CCDC3: variants seen among roughly 807,000 people sequenced by gnomAD.
The protein encoded by CCDC3 is coiled-coil domain-containing protein 3.
In CCDC3, 24 loss-of-function variants were observed where a neutral mutation model predicts 21.4. The ratio of observed to expected loss-of-function variants is 1.12; its 90% confidence interval spans 0.81 to 1.58. The LOEUF is 1.58. CCDC3 is among the 40% of genes most tolerant of loss of function. The pLI, the probability that CCDC3 is intolerant of heterozygous loss-of-function variation, is 0.00. For synonymous variants in CCDC3, 186 were observed against 166.0 expected, an observed-to-expected ratio of 1.12 and a Z score of -0.93; for missense variants, 425 against 360.9, an observed-to-expected ratio of 1.18 and a Z score of -1.44.
intron 5 of CCDC3, among the ~76,000 whole-genome samples, chr10:13,018,770 A>C (rs2131403657): frequency 6.6e-6 from 1 of 151,942 alleles, no homozygotes; most frequent in Middle Eastern, 3.4e-3. Flanking sequence ...GTCTCTACTA[A>C]AAATACAAAA....
chr10:12,974,821 G>C (rs557277139), intron 2 of CCDC3, among the ~76,000 whole-genome samples: 1 of 152,326 alleles, frequency 6.6e-6, no homozygotes, highest in Non-Finnish European at 1.5e-5. Context: ...ATCGCCTTTG[G>C]ATTTCATGGC....
At chr10:13,073,848 G>A (rs1836917202) in intron 4 of CCDC3, 1 of 151,916 alleles carries the variant, frequency 6.6e-6, no homozygotes, top group Non-Finnish European at 1.5e-5. Context: ...AAACCCAACA[G>A]GTCTACCATT....
At chr10:13,049,705 A>G (rs577987336) in exon 5 of CCDC3, 1 of 152,194 alleles carries the variant, frequency 6.6e-6, no homozygotes, top group South Asian at 2.1e-4. Flanking sequence ...CTGAAATGTG[A>G]TGGAAATAGA....
intron 2 of CCDC3, among the ~76,000 whole-genome samples, chr10:12,926,151 G>A (rs1834533521): frequency 6.6e-6 from 1 of 152,246 alleles, no homozygotes; most frequent in Non-Finnish European, 1.5e-5. Context: ...GTCAGGAGCA[G>A]AAACCAAAGG....
At chr10:12,999,099 G>A (rs963265552) in intron 1 of CCDC3, among the ~76,000 whole-genome samples, 2 of 152,122 alleles carry the variant, frequency 1.3e-5, no homozygotes, top group Non-Finnish European at 2.9e-5. Context: ...AATTAGCTGG[G>A]CACGGTGGCA....
intron 2 of CCDC3, among the ~76,000 whole-genome samples, chr10:12,960,701 G>A (rs1223729059): frequency 6.6e-6 from 1 of 152,178 alleles, no homozygotes; most frequent in African/African-American, 2.4e-5. Flanking sequence ...GAGAGCTCAA[G>A]GCTGCGGGAC....
intron 3 of CCDC3, among the ~76,000 whole-genome samples, chr10:13,091,019 A>C (rs1832559822): frequency 6.6e-6 from 1 of 152,204 alleles, no homozygotes; most frequent in African/African-American, 2.4e-5. Flanking sequence ...AAGAACTTGG[A>C]GTCTGATGTT....
At chr10:12,985,696 C>T (rs761626684) in intron 2 of CCDC3, among the ~76,000 whole-genome samples, 4 of 152,118 alleles carry the variant, frequency 2.6e-5, no homozygotes, top group Non-Finnish European at 5.9e-5. Flanking sequence ...ATGTACATAA[C>T]ACCTGAAATA....
At chr10:13,087,126 C>T (rs559571118) in intron 3 of CCDC3, among the ~76,000 whole-genome samples, 2 of 152,210 alleles carry the variant, frequency 1.3e-5, no homozygotes, top group East Asian at 3.9e-4. Flanking sequence ...GGAACAAGGC[C>T]GGGCATGGTG....
chr10:13,074,485 G>A (rs900283589), intron 3 of CCDC3, among the ~76,000 whole-genome samples: 7 of 150,498 alleles, frequency 4.7e-5, no homozygotes, highest in African/African-American at 7.3e-5. Flanking sequence ...CACAACCGGC[G>A]GAATCAAATC....
intron 2 of CCDC3, among the ~76,000 whole-genome samples, chr10:12,957,568 A>C (rs1307529445): frequency 6.6e-6 from 1 of 152,176 alleles, no homozygotes. Context: ...AGGTGAATGG[A>C]TCAGGGGAGT....
Position 13,001,361 on chromosome 10 carries a change from C to T in CCDC3, c.210G>A (p.Gln70=), listed in dbSNP as rs767600541. 5 of 1,597,064 alleles carry T rather than the reference C, an allele frequency of 3.1e-6. No individual in the cohort carries two copies. Among genetic ancestry groups the T allele is most frequent in the African/African-American group, 2.7e-5 (2 of 74,900 alleles). The stretch of plus-strand genomic sequence containing the variant: ...CCTCGGCCGAGTAGAAGAGGCCCCC[C>T]TGGCCGGCGTGGTACTGCCAGGGCA... ...NHLPWQYHAG[Q]GGLFYSAEVE... is the part of the protein sequence containing the mutation. The change falls in exon 1 of 3, where the codon CAG becomes CAA. Residue 70 remains glutamine, a synonymous_variant. Coordinates refer to ENST00000378825, the MANE Select transcript of CCDC3 (RefSeq NM_031455.4).
chr10:12,908,709 C>T (rs1459051836), intron 2 of CCDC3, among the ~76,000 whole-genome samples: 1 of 151,324 alleles, frequency 6.6e-6, no homozygotes, highest in Non-Finnish European at 1.5e-5. Context: ...TCTCCTGCCT[C>T]AGCCTCCCAA....
intron 3 of CCDC3, among the ~76,000 whole-genome samples, chr10:13,089,313 T>A (rs572893654): frequency 6.6e-6 from 1 of 152,054 alleles, no homozygotes; most frequent in Non-Finnish European, 1.5e-5. Flanking sequence ...CATTTCTTTA[T>A]GTTTAACACT....
At position 13,001,414 on chromosome 10, in the gene CCDC3, G is replaced by T. The variant is rs542503378; in HGVS notation, c.157C>A (p.Pro53Thr). Residue 53 changes from proline to threonine, a missense_variant, in exon 1 of 3, where the codon CCC (proline) becomes ACC (threonine). Coordinates refer to ENST00000378825, the MANE Select transcript of CCDC3 (RefSeq NM_031455.4). ...TGGTTGTAGAGGCCGGGCGCCTCGG[G>T]GTGCAGCGCCAGCACCCTGGCGTAC... ...IVYARVLALH[P>T]EAPGLYNHLP... 7.7e-6 allele frequency: 12 copies of T among 1,554,694 alleles called. No homozygotes were observed. The East Asian group carries it at 2.8e-4, about 37-fold the overall frequency.
At chr10:12,940,226 ATTGTTTTTTTTT>A (rs1834800296) in intron 2 of CCDC3, among the ~76,000 whole-genome samples, 1 of 107,002 alleles carries the variant, frequency 9.3e-6, no homozygotes, top group African/African-American at 3.4e-5. Context: ...AATCATTGAA[ATTGTTTTTTTTT>A]TTTTTTTTTT....
chr10:12,985,720 G>A (rs546285300), intron 2 of CCDC3, among the ~76,000 whole-genome samples: 3 of 152,300 alleles, frequency 2.0e-5, no homozygotes, highest in Admixed American at 2.0e-4. Flanking sequence ...TTATAGATAT[G>A]GAGAAAAGAT....
chr10:13,067,200 C>T (rs187264858), intron 4 of CCDC3, among the ~76,000 whole-genome samples: 1 of 152,330 alleles, frequency 6.6e-6, no homozygotes, highest in East Asian at 1.9e-4. Context: ...CCCCTCCCAG[C>T]CAGGGTTGGG....
chr10:12,994,079 G>A (rs1362276268), intron 2 of CCDC3, among the ~76,000 whole-genome samples: 1 of 152,134 alleles, frequency 6.6e-6, no homozygotes, highest in Non-Finnish European at 1.5e-5. Flanking sequence ...CAAGCTGAAT[G>A]GAAACTTAAA....
Sources: gnomAD v4.1 joint callset for allele counts (sites outside exome capture counted in the v4.1 genomes callset) on GRCh38, gnomAD v4.1.1 for gene constraint, MANE v1.5 for transcripts, NCBI Gene and HGNC (gene_info 2026-07-23, HGNC 2026-07-21) for gene names.